BCR: variants seen among roughly 807,000 people sequenced by gnomAD.
BCR encodes the protein breakpoint cluster region protein.
Under a neutral mutation model 138.6 loss-of-function variants are expected in BCR, and 58 were observed. The ratio of observed to expected loss-of-function variants is 0.42; its 90% CI spans 0.34 to 0.52. BCR has a LOEUF of 0.52. Among genes scored for constraint, BCR ranks in the 20% least tolerant of loss-of-function variants. The probability of loss-of-function intolerance (pLI) is 0.06; values close to 1 mark genes in which losing one functional copy is unlikely to be tolerated. For synonymous variants in BCR, 786 were observed against 730.1 expected, an observed-to-expected ratio of 1.08 and a Z score of -1.23; for missense variants, 1,599 against 1,727.2, an observed-to-expected ratio of 0.93 and a Z score of 1.32.
At position 23,294,751 on chromosome 22, in the gene BCR, G is replaced by T. The variant is rs545631294; in HGVS notation, c.2881-273G>T. 9.2e-5 allele frequency among the ~76,000 whole-genome samples: 14 copies of T among 152,300 alleles called. No homozygotes were observed. The South Asian group carries it at 2.5e-3, about 27-fold the overall frequency. ...GCGATTGTGAGGCAGGTGGTGTGGGGATCACCCTTTGAGATGCTGGTGTAA... is the reference window on the plus strand; with the variant it reads ...GCGATTGTGAGGCAGGTGGTGTGGGTATCACCCTTTGAGATGCTGGTGTAA... On this transcript the variant is annotated intron_variant, in intron 15 of 22. Coordinates refer to ENST00000305877, the MANE Select transcript of BCR (RefSeq NM_004327.4).
At chr22:23,198,351 AG>A in intron 1 of BCR, 1 of 445,996 alleles carries the variant, frequency 2.2e-6, no homozygotes, top group Middle Eastern at 3.5e-4. Context: ...CTGGAGTCCC[AG>A]GGGGAGATTA....
intron 16 of BCR, among the ~76,000 whole-genome samples, chr22:23,303,727 G>A (rs1422727992): frequency 6.6e-6 from 1 of 152,208 alleles, no homozygotes; most frequent in Admixed American, 6.5e-5. Context: ...TCTTCTTGAA[G>A]CACACCGCCA....
intron 1 of BCR, among the ~76,000 whole-genome samples, chr22:23,240,299 G>T (rs541749872): frequency 3.0e-5 from 4 of 135,180 alleles, no homozygotes; most frequent in African/African-American, 1.2e-4. Context: ...GAGCCTGGCT[G>T]ATCGTGTGTG....
intron 6 of BCR, among the ~76,000 whole-genome samples, chr22:23,272,389 T>C (rs2073519493): frequency 6.6e-6 from 1 of 152,236 alleles, no homozygotes. Context: ...CTTATGCTGG[T>C]TGTGGGAGTC....
chr22:23,277,075 G>C (rs926952787), intron 8 of BCR, among the ~76,000 whole-genome samples: 2 of 152,246 alleles, frequency 1.3e-5, no homozygotes, highest in African/African-American at 4.8e-5. Flanking sequence ...GGAAAGGGGG[G>C]CAGAAGCTCC....
chr22:23,279,542 G>T (rs1273650703), intron 8 of BCR, among the ~76,000 whole-genome samples: 2 of 152,222 alleles, frequency 1.3e-5, no homozygotes, highest in African/African-American at 4.8e-5. Flanking sequence ...TGCTCTGGGG[G>T]CAGGGTAGCG....
chr22:23,266,414 G>A (rs1257894395), intron 4 of BCR, among the ~76,000 whole-genome samples: 1 of 151,190 alleles, frequency 6.6e-6, no homozygotes, highest in Non-Finnish European at 1.5e-5. Flanking sequence ...TTTGGAGATG[G>A]AGTCTCGCTC....
At chr22:23,280,674 C>T (rs995669490) in intron 8 of BCR, among the ~76,000 whole-genome samples, 3 of 152,186 alleles carry the variant, frequency 2.0e-5, no homozygotes, top group Non-Finnish European at 4.4e-5. Flanking sequence ...AGGGTGGGCT[C>T]GGGACAGTGA....
chr22:23,273,804 A>G, intron 8 of BCR, 30 bp downstream of exon 8: 1 of 1,612,398 alleles, frequency 6.2e-7, no homozygotes, highest in Non-Finnish European at 8.5e-7. Context: ...GCTTGGGTCC[A>G]CCCATCCTGC....
Position 23,180,734 on chromosome 22 carries a change from G to A in BCR, c.-227G>A, listed in dbSNP as rs1324562477. 1 of 149,380 alleles carries A rather than the reference G, an allele frequency of 6.7e-6. No homozygotes were observed. The highest frequency in any genetic ancestry group is 1.5e-5 in the Non-Finnish European group (1 of 67,792). The allele number at this position is 149,380 out of a possible 1,614,324, so 9.3% of individuals were successfully genotyped here. A position where few individuals can be genotyped will look rare whatever the true frequency, so the allele number is the denominator to read the frequency against. Reference sequence around the variant, plus strand: ...CGGAGGAGCCCCGCACACAATAGCGGCGCGCGCAGCCCGCGCCCTTCCCCC... The same window carrying A: ...CGGAGGAGCCCCGCACACAATAGCGACGCGCGCAGCCCGCGCCCTTCCCCC... On this transcript the variant is annotated 5_prime_UTR_variant, in exon 1 of 23. Transcript: ENST00000305877.
chr22:23,245,060 A>G (rs940969374), intron 1 of BCR, among the ~76,000 whole-genome samples: 2 of 152,156 alleles, frequency 1.3e-5, no homozygotes, highest in Non-Finnish European at 2.9e-5. Context: ...ACGGCTGACT[A>G]GTGCCCCCAG....
intron 6 of BCR, 139 bp downstream of exon 6, chr22:23,271,731 T>G (rs1326809978): frequency 1.3e-6 from 1 of 799,944 alleles, no homozygotes; most frequent in African/African-American, 1.7e-5. Flanking sequence ...TCAGATAGAG[T>G]GGGCACGAGG....
Position 23,213,908 on chromosome 22 carries a change from C to T in BCR, c.1279+31669C>T, listed in dbSNP as rs145527742. 1.1e-4 allele frequency among the ~76,000 whole-genome samples: 16 copies of T among 151,352 alleles called. 1 individual carries two copies. In the East Asian group the frequency reaches 2.7e-3, roughly 26 times the overall value. On this transcript the variant is annotated intron_variant, in intron 1 of 22. Coordinates refer to ENST00000305877, the MANE Select transcript of BCR (RefSeq NM_004327.4). Reference sequence around the variant, plus strand: ...GTTATCATTGCGAGAGGCAGAGATGCGAGATTCCACTTTGAATTATGTTGA... The same window carrying T: ...GTTATCATTGCGAGAGGCAGAGATGTGAGATTCCACTTTGAATTATGTTGA...
At chr22:23,193,366 C>T (rs376993122) in intron 1 of BCR, among the ~76,000 whole-genome samples, 52 of 152,350 alleles carry the variant, frequency 3.4e-4, no homozygotes, top group African/African-American at 1.2e-3. Flanking sequence ...GAGGGTGACC[C>T]TTCCCCTTGG....
At chr22:23,253,069 C>T (rs1216512517) in intron 1 of BCR, among the ~76,000 whole-genome samples, 1 of 152,110 alleles carries the variant, frequency 6.6e-6, no homozygotes. Flanking sequence ...TGGAACGGCT[C>T]AGAGAACTCA....
intron 16 of BCR, chr22:23,307,471 CCT>C (rs1224234709): frequency 1.3e-5 from 2 of 151,562 alleles, no homozygotes; most frequent in Non-Finnish European, 2.9e-5. Flanking sequence ...CTCATGTTGT[CCT>C]CTCCTGCCTC....
rs567020342 is a variant in BCR, at chr22:23,308,486, T to C, written c.3013-938T>C. 2.0e-4 allele frequency among the ~76,000 whole-genome samples: 31 copies of C among 152,224 alleles called. 4 individuals are homozygous for C. Among genetic ancestry groups the C allele is most frequent in the African/African-American group, 6.5e-4 (27 of 41,544 alleles). On this transcript the variant is annotated intron_variant, in intron 16 of 22. Transcript: ENST00000305877. ...ACGCCCAGCTAATTTGTTGTATTTT[T>C]AGTAGGGACAGGGTTTCACCATGTT...
At chr22:23,213,813 AC>A (rs1366092132) in intron 1 of BCR, among the ~76,000 whole-genome samples, 1 of 151,522 alleles carries the variant, frequency 6.6e-6, no homozygotes, top group Non-Finnish European at 1.5e-5. Flanking sequence ...AGCCTGGGCA[AC>A]AGAGCAAGAC....
chr22:23,292,754 G>C, intron 15 of BCR, 116 bp downstream of exon 15: 1 of 818,400 alleles, frequency 1.2e-6, no homozygotes. Flanking sequence ...AGGCAGTGCT[G>C]CTGAATTCCA....
Sources: allele counts gnomAD v4.1 joint callset (sites outside exome capture counted in the v4.1 genomes callset), GRCh38; gene constraint gnomAD v4.1.1; transcripts MANE v1.5; gene names NCBI Gene and HGNC (gene_info 2026-07-23, HGNC 2026-07-21).